Variants in BGN observed in about 807,000 individuals in gnomAD.
The protein encoded by BGN is biglycan.
In BGN, 6 loss-of-function variants were observed where a neutral mutation model predicts 20.0. The ratio of observed to expected loss-of-function variants is 0.30; its 90% confidence interval spans 0.16 to 0.59. BGN has a LOEUF of 0.59. Among genes scored for constraint, BGN ranks in the 20% least tolerant of loss-of-function variants. The pLI is 0.88. For missense variants in BGN, 292 were observed against 312.1 expected, an observed-to-expected ratio of 0.94 and a Z score of 0.49; for synonymous variants, 146 against 134.6, an observed-to-expected ratio of 1.08 and a Z score of -0.59.
chrX:153,500,872 T>C (rs1243419933), intron 1 of BGN, among the ~76,000 whole-genome samples: 1 of 111,945 alleles, frequency 8.9e-6, no homozygotes, highest in Non-Finnish European at 1.9e-5. Flanking sequence ...TGTATGTGTA[T>C]AGATGTGTGC....
At chrX:153,506,187 G>A in intron 4 of BGN, 111 bp downstream of exon 4, 1 of 819,501 alleles carries the variant, frequency 1.2e-6, no homozygotes, top group Non-Finnish European at 1.7e-6. Flanking sequence ...GGTGAGAACG[G>A]TCAAAAGAAA....
At chrX:153,506,483 G>T in intron 4 of BGN, 46 bp from the exon 5 acceptor site, 1 of 1,138,695 alleles carries the variant, frequency 8.8e-7, no homozygotes, top group Non-Finnish European at 1.2e-6. Flanking sequence ...ACCCAGGGCT[G>T]TGCAGGGACC....
chrX:153,507,341 G>A (rs1556993484), intron 7 of BGN, among the ~76,000 whole-genome samples, 156 bp downstream of exon 7: 2 of 112,743 alleles, frequency 1.8e-5, no homozygotes, highest in African/African-American at 6.5e-5. Flanking sequence ...GTGCTGAGGA[G>A]GCAGGGAGCA....
At chrX:153,497,551 AGCTGTGGGGTGTGTGCAGAGGGGCTGC>A (rs2089728062) in intron 1 of BGN, among the ~76,000 whole-genome samples, 2 of 81,974 alleles carry the variant, frequency 2.4e-5, no homozygotes, top group Non-Finnish European at 5.2e-5. Context: ...TAGAGGGACC[AGCTGTGGGGTGTGTGCAGAGGGGCTGC>A]GCTGTGGGGA....
chrX:153,505,547 C>T (rs782030846), intron 3 of BGN, 197 bp downstream of exon 3: 10 of 445,745 alleles, frequency 2.2e-5, no homozygotes, highest in African/African-American at 1.5e-4. Flanking sequence ...GCTGCAGGAC[C>T]GGATCGCTCA....
chrX:153,507,025 C>A, intron 6 of BGN, 22 bp from the exon 7 acceptor site: 6 of 1,209,857 alleles, frequency 5.0e-6, no homozygotes, highest in Non-Finnish European at 6.7e-6. Context: ...CCTTTGAGTC[C>A]GTGTCATTCT....
Position 153,499,932 on chromosome X carries a change from G to A in BGN, c.-11-4689G>A, listed in dbSNP as rs556774862. On this transcript the variant is annotated intron_variant, in intron 1 of 7. Coordinates refer to ENST00000331595, the MANE Select transcript of BGN (RefSeq NM_001711.6). ...GACCCCGCAGGGCTGCGTGGAAGGT[G>A]GCACATGTGTCAGAGTTCAGGTCGG... Among the ~76,000 whole-genome samples, 6 of 113,250 alleles carry A rather than the reference G, an allele frequency of 5.3e-5. No individual in the cohort carries two copies. The South Asian group carries it at 2.1e-3, about 41-fold the overall frequency.
chrX:153,505,096 AC>A, intron 2 of BGN, 141 bp from the exon 3 acceptor site: 1 of 574,601 alleles, frequency 1.7e-6, no homozygotes, highest in Non-Finnish European at 2.8e-6. Context: ...GGTCCTCCCT[AC>A]CAGTGGGGCT....
rs1556992806 is a variant in BGN at position 153,505,306 on chromosome X, T to G, written c.307T>G (p.Ser103Ala). ...GCTGGACCTGCAGAACAACGACATC[T>G]CCGAGCTCCGCAAGGATGACTTCAA... ...TLLDLQNNDI[S>A]ELRKDDFKGL... Residue 103 changes from serine (S) to alanine (A), a missense_variant, in exon 3 of 8, where the codon TCC becomes GCC. Physicochemically the swap from Ser to Ala is moderately conservative, Grantham distance 99 (BLOSUM62 1). Transcript: ENST00000331595. 8.3e-7 allele frequency: 1 copy of G among 1,210,456 alleles called. No homozygotes were observed. Among genetic ancestry groups the G allele is most frequent in the South Asian group, 1.8e-5 (1 of 56,934 alleles).
intron 1 of BGN, among the ~76,000 whole-genome samples, chrX:153,501,135 T>C (rs185349124): frequency 5.3e-5 from 6 of 112,205 alleles, no homozygotes; most frequent in Admixed American, 4.7e-4. Flanking sequence ...GTGTTTTGTA[T>C]AGGTGTGTGC....
intron 7 of BGN, among the ~76,000 whole-genome samples, chrX:153,507,499 G>A (rs1556993541): frequency 8.9e-6 from 1 of 112,617 alleles, no homozygotes; most frequent in East Asian, 2.8e-4. Flanking sequence ...TGCCAAGACA[G>A]TGACCGCCCA....
Position 153,507,071 on chromosome X carries a change from C to A in BGN, c.795C>A (p.Ile265=). 1 of 1,210,198 alleles carries A rather than the reference C, an allele frequency of 8.3e-7. No individual in the cohort carries two copies. Among genetic ancestry groups the A allele is most frequent in the South Asian group, 1.8e-5 (1 of 56,674 alleles). The change falls in exon 7 of 8, where the codon ATC becomes ATA. Residue 265 remains isoleucine (I), a synonymous_variant. Transcript: ENST00000331595. ...GGCTGGGCCTAGGCCACAACCAGAT[C>A]AGGATGATCGAGAACGGGAGCCTGA... ...LYRLGLGHNQ[I]RMIENGSLSF...
intron 1 of BGN, among the ~76,000 whole-genome samples, chrX:153,503,466 G>A (rs1490921374): frequency 3.6e-5 from 4 of 112,322 alleles, no homozygotes; most frequent in African/African-American, 1.3e-4. Context: ...GGCAAGCAGG[G>A]CAGGCATGTT....
chrX:153,506,272 G>A (rs1010103872), intron 4 of BGN, among the ~76,000 whole-genome samples, 196 bp downstream of exon 4: 14 of 112,530 alleles, frequency 1.2e-4, no homozygotes, highest in South Asian at 3.7e-4. Flanking sequence ...CAGAGGGGCC[G>A]GGTGGCTTCC....
At chrX:153,497,812 C>T (rs904920215) in intron 1 of BGN, among the ~76,000 whole-genome samples, 6 of 112,198 alleles carry the variant, frequency 5.3e-5, no homozygotes, top group Middle Eastern at 4.6e-3. Context: ...TTGAATCCCA[C>T]AGCCAGAAGC....
intron 3 of BGN, 123 bp from the exon 4 acceptor site, chrX:153,505,740 C>T (rs1556992935): frequency 5.3e-6 from 3 of 569,602 alleles, no homozygotes; most frequent in Admixed American, 6.6e-5. Context: ...CTGCACTCTG[C>T]TCACAAGCAT....
At chrX:153,507,225 G>C in intron 7 of BGN, 40 bp downstream of exon 7, 1 of 1,161,294 alleles carries the variant, frequency 8.6e-7, no homozygotes, top group East Asian at 3.0e-5. Flanking sequence ...CCTAAGGCTG[G>C]GCTGGGGGAG....
chrX:153,504,308 G>A (rs2089782257), intron 1 of BGN, among the ~76,000 whole-genome samples: 1 of 112,544 alleles, frequency 8.9e-6, no homozygotes, highest in Non-Finnish European at 1.9e-5. Context: ...AGGCGTGGGG[G>A]CCTGCAGACT....
In BGN at chrX:153,506,890, T is replaced by C; in HGVS notation, c.737T>C (p.Leu246Pro). The change falls in exon 6 of 8, where the codon CTG becomes CCG. Residue 246 changes from leucine (L) to proline (P), a missense_variant. Physicochemically the swap from Leu to Pro is moderately conservative, Grantham distance 98. Coordinates refer to ENST00000331595, the MANE Select transcript of BGN (RefSeq NM_001711.6). ...LDHNKIQAIE[L>P]EDLLRYSKLY... ...CACAACAAAATCCAGGCCATCGAAC[T>C]GGAGGACCTGCTTCGCTACTCCAAG... 3.3e-6 allele frequency: 4 copies of C among 1,211,535 alleles called. No individual in the cohort carries two copies. Among genetic ancestry groups the C allele is most frequent in the Non-Finnish European group, 4.5e-6 (4 of 895,297 alleles).
Sources: gnomAD v4.1 joint callset for allele counts (sites outside exome capture counted in the v4.1 genomes callset) on GRCh38, gnomAD v4.1.1 for gene constraint, MANE v1.5 for transcripts, NCBI Gene and HGNC (gene_info 2026-07-23, HGNC 2026-07-21) for gene names.